The following NRXN3 variants were observed in gnomAD, a reference collection of about 807,000 sequenced individuals.
The protein encoded by NRXN3 is neurexin III.
In NRXN3, 32 loss-of-function variants were observed where a neutral mutation model predicts 137.6. The ratio of observed to expected loss-of-function variants is 0.23; its 90% CI spans 0.18 to 0.31. NRXN3 has a LOEUF of 0.31. NRXN3 is among the 10% of genes least tolerant of loss of function. The pLI is 1.00. For missense variants in NRXN3, 1,574 were observed against 2,062.5 expected (o/e 0.76, Z 4.59); for synonymous variants, 798 against 784.5 (o/e 1.02, Z -0.29).
At chr14:79,638,323 GGTTTAA>G (rs2098416181) in intron 16 of NRXN3, among the ~76,000 whole-genome samples, 2 of 152,022 alleles carry the variant, frequency 1.3e-5, no homozygotes, top group Admixed American at 6.5e-5. Context: ...ATGAAATCTA[GGTTTAA>G]GTTTGAGTTC....
chr14:78,181,472 C>A (rs1372951654), intron 1 of NRXN3, among the ~76,000 whole-genome samples: 1 of 152,198 alleles, frequency 6.6e-6, no homozygotes, highest in Non-Finnish European at 1.5e-5. Context: ...GAGGTTTGGT[C>A]TCCTTTGCTC....
intron 4 of NRXN3, among the ~76,000 whole-genome samples, chr14:78,335,206 G>A (rs2081317925): frequency 6.6e-6 from 1 of 152,170 alleles, no homozygotes; most frequent in African/African-American, 2.4e-5. Context: ...AAATAATTGG[G>A]CAATGTTAAG....
intron 15 of NRXN3, among the ~76,000 whole-genome samples, chr14:79,047,172 A>C (rs534860667): frequency 2.0e-5 from 3 of 151,310 alleles, no homozygotes; most frequent in South Asian, 2.1e-4. Context: ...ACCACCACCA[A>C]CAACCCACTT....
intron 15 of NRXN3, chr14:79,280,611 T>TTCC: frequency 7.3e-7 from 1 of 1,373,630 alleles, no homozygotes; most frequent in African/African-American, 1.4e-5. Context: ...GCAGGTAGTG[T>TTCC]CAAAGGTGGG....
intron 10 of NRXN3, among the ~76,000 whole-genome samples, chr14:78,903,880 C>T (rs1483194863): frequency 6.6e-6 from 1 of 151,994 alleles, no homozygotes; most frequent in African/African-American, 2.4e-5. Flanking sequence ...GTCATTGAGC[C>T]TCTGCACACG....
chr14:79,227,241 A>G (rs2071099751), intron 15 of NRXN3, among the ~76,000 whole-genome samples: 1 of 152,148 alleles, frequency 6.6e-6, no homozygotes, highest in African/African-American at 2.4e-5. Flanking sequence ...GACACTGGAA[A>G]CAGACCACTG....
rs984566773 is a variant in NRXN3, at chr14:78,472,208, T to C, written c.758-172912T>C. ...TATGGCCAGATGAAGTAGTTTTGCCTCTTTCTTGGTCACTGTCTTTGGGAT... is the reference window on the plus strand; with the variant it reads ...TATGGCCAGATGAAGTAGTTTTGCCCCTTTCTTGGTCACTGTCTTTGGGAT... On this transcript the variant is annotated intron_variant, in intron 4 of 20. Coordinates refer to ENST00000335750, the MANE Select transcript of NRXN3 (RefSeq NM_001330195.2). Among the ~76,000 whole-genome samples, 4 of 152,176 alleles carry C rather than the reference T, an allele frequency of 2.6e-5. No homozygotes were observed. The South Asian group carries it at 6.2e-4, about 24-fold the overall frequency.
intron 10 of NRXN3, among the ~76,000 whole-genome samples, chr14:78,812,655 T>A (rs2098917887): frequency 6.6e-6 from 1 of 152,210 alleles, no homozygotes. Context: ...CTTAATCTGA[T>A]AAAATATTTT....
At chr14:79,144,926 T>C (rs2059150859) in intron 15 of NRXN3, among the ~76,000 whole-genome samples, 1 of 152,126 alleles carries the variant, frequency 6.6e-6, no homozygotes, top group South Asian at 2.1e-4. Context: ...AATGGACTTA[T>C]GATCTAAAAA....
chr14:78,938,528 A>G (rs2099346350), intron 10 of NRXN3, among the ~76,000 whole-genome samples: 1 of 152,194 alleles, frequency 6.6e-6, no homozygotes, highest in African/African-American at 2.4e-5. Flanking sequence ...GGAAGGTTGG[A>G]TAATCCTACG....
chr14:78,675,877 CTG>C (rs2097999139), intron 6 of NRXN3, among the ~76,000 whole-genome samples: 1 of 151,862 alleles, frequency 6.6e-6, no homozygotes, highest in Admixed American at 6.6e-5. Flanking sequence ...CTTCATGTCT[CTG>C]TGTTGCATTT....
chr14:79,818,117 G>A lies in NRXN3; in HGVS notation c.4093+12927G>A, dbSNP rs190289241. Among the ~76,000 whole-genome samples, 350 of 140,112 alleles carry A rather than the reference G, an allele frequency of 2.5e-3. 2 individuals carry two copies. The highest frequency in any genetic ancestry group is 3.7e-3 in the Non-Finnish European group (241 of 65,988). 91.9% of individuals were successfully genotyped at this position (140,112 alleles called of 152,430 possible). A position where few individuals can be genotyped will look rare whatever the true frequency, so the allele number is the denominator to read the frequency against. On this transcript the variant is annotated intron_variant, in intron 20 of 20. Transcript: ENST00000335750. The stretch of plus-strand genomic sequence containing the variant: ...CACCCAGGCTGGAGTGCAGTGGCGC[G>A]ATCTCGGCTCACTGCAAGCTCCGCC...
chr14:79,722,534 A>G (rs1221058840), intron 19 of NRXN3, among the ~76,000 whole-genome samples: 2 of 152,182 alleles, frequency 1.3e-5, no homozygotes, highest in Non-Finnish European at 2.9e-5. Flanking sequence ...CTCTGCTGAG[A>G]ACCCACTTTC....
chr14:78,317,620 T>C (rs900871989), intron 4 of NRXN3, among the ~76,000 whole-genome samples: 1 of 152,238 alleles, frequency 6.6e-6, no homozygotes, highest in African/African-American at 2.4e-5. Context: ...GATTAGATGA[T>C]GCTTGCCCAC....
intron 15 of NRXN3, among the ~76,000 whole-genome samples, chr14:79,110,566 A>G (rs1224076926): frequency 6.6e-6 from 1 of 152,176 alleles, no homozygotes; most frequent in African/African-American, 2.4e-5. Context: ...TGCTAAATAG[A>G]TGGATGCATT....
At chr14:79,625,421 G>T (rs1050379107) in intron 16 of NRXN3, among the ~76,000 whole-genome samples, 6 of 152,098 alleles carry the variant, frequency 3.9e-5, no homozygotes, top group Non-Finnish European at 7.4e-5. Flanking sequence ...ATACAAGAAA[G>T]AACAGACATC....
intron 2 of NRXN3, among the ~76,000 whole-genome samples, chr14:78,275,719 A>G (rs963743279): frequency 6.6e-6 from 1 of 152,328 alleles, no homozygotes; most frequent in Non-Finnish European, 1.5e-5. Flanking sequence ...GGACTGAGTC[A>G]CATGACTACT....
chr14:79,607,539 G>C (rs901440551), intron 16 of NRXN3, among the ~76,000 whole-genome samples: 5 of 152,086 alleles, frequency 3.3e-5, no homozygotes, highest in African/African-American at 1.2e-4. Flanking sequence ...TTCTTTCTTT[G>C]TTTTCCCCCT....
At chr14:79,134,254 G>A (rs998698486) in intron 15 of NRXN3, among the ~76,000 whole-genome samples, 2 of 152,116 alleles carry the variant, frequency 1.3e-5, no homozygotes, top group African/African-American at 4.8e-5. Flanking sequence ...CAGGTAATAT[G>A]GGAAAGCTAA....
Sources: gnomAD v4.1 joint callset for allele counts (sites outside exome capture counted in the v4.1 genomes callset) on GRCh38, gnomAD v4.1.1 for gene constraint, MANE v1.5 for transcripts, NCBI Gene and HGNC (gene_info 2026-07-23, HGNC 2026-07-21) for gene names.